RFX2: variants seen among roughly 807,000 people sequenced by gnomAD.
The protein encoded by RFX2 is DNA-binding protein RFX2.
In RFX2, 20 loss-of-function variants were observed where a neutral mutation model predicts 87.8. The ratio of observed to expected loss-of-function variants is 0.23; its 90% CI spans 0.16 to 0.33. The LOEUF is 0.33. Ranked by LOEUF, RFX2 falls within the 10% of genes least tolerant of loss-of-function variation. The pLI, the probability that RFX2 is intolerant of heterozygous loss-of-function variation, is 1.00. For synonymous variants in RFX2, 397 were observed against 431.3 expected (o/e 0.92, Z 0.98); for missense variants, 767 against 1,012.3 (o/e 0.76, Z 3.29).
At chr19:6,048,165 G>A (rs2087222628) in intron 1 of RFX2, among the ~76,000 whole-genome samples, 1 of 152,236 alleles carries the variant, frequency 6.6e-6, no homozygotes. Context: ...AAGGTGACCT[G>A]CAGAGGGAGC....
rs2087350769 is a variant in RFX2, at chr19:6,056,874, G to C, written c.-8-9370C>G. On this transcript the variant is annotated intron_variant, in intron 1 of 17. Transcript: ENST00000303657. This position sits in a 1 kb window ranked among gnomAD's most constrained non-coding sequence, Gnocchi z 4.6. ...GGAGCCTCGGAACAGCCAATATAAA[G>C]GGGAGGGGCCGCAACACGACCTGTC... Among the ~76,000 whole-genome samples the C allele has an allele frequency of 6.6e-6, 1 of 152,170 alleles. No homozygotes were observed. The highest frequency in any genetic ancestry group is 6.5e-5 in the Admixed American group (1 of 15,276).
Position 6,047,419 on chromosome 19 carries a change from T to G in RFX2, c.78A>C (p.Pro26=). The change falls in exon 2 of 18, where the codon CCA becomes CCC. Residue 26 remains proline (P), a synonymous_variant. Coordinates refer to ENST00000303657, the MANE Select transcript of RFX2 (RefSeq NM_000635.4). This position sits in a 1 kb window ranked among gnomAD's most constrained non-coding sequence, Gnocchi z 4.2. ...LRPSAAAPPV[P]ASPQRVLVQA... ...AGGCGCGCGTTACCTGCGGGGAGGC[T>G]GGCACAGGCGGGGCTGCCGCCGAGG... The G allele has an allele frequency of 6.2e-7, 1 of 1,608,190 alleles. No individual in the cohort carries two copies. The highest frequency in any genetic ancestry group is 1.3e-5 in the African/African-American group (1 of 74,972).
intron 5 of RFX2, among the ~76,000 whole-genome samples, chr19:6,036,982 T>C (rs562662654): frequency 1.3e-5 from 2 of 152,246 alleles, no homozygotes; most frequent in East Asian, 1.9e-4. Flanking sequence ...AAGAAGCTCC[T>C]AGAACCAAAA....
In RFX2 at chr19:6,001,943, C is replaced by G; in HGVS notation, c.1731G>C (p.Gln577His). 1 of 1,612,864 alleles carries G rather than the reference C, an allele frequency of 6.2e-7. No individual in the cohort carries two copies. Among genetic ancestry groups the G allele is most frequent in the Admixed American group, 1.7e-5 (1 of 60,024 alleles). ...LEQDFKLTLQ[Q>H]QSSLDQWASW... ...TGGCCCACTGGTCCAGGGAGCTCTG[C>G]TGCTGCAGGGTCAGCTTGAAATCCT... The change falls in exon 15 of 18, where the codon CAG becomes CAC. Residue 577 changes from glutamine (Q) to histidine (H), a missense_variant. By Grantham distance (24) the Gln-to-His change is conservative. Coordinates refer to ENST00000303657, the MANE Select transcript of RFX2 (RefSeq NM_000635.4). The surrounding 1 kb of genome is among the most constrained non-coding windows in gnomAD (Gnocchi z 5.6).
rs1247496217 is a variant in RFX2, at chr19:6,017,875, AC to A, written c.598-1605del. On this transcript the variant is annotated intron_variant, in intron 6 of 17. Transcript: ENST00000303657. The surrounding 1 kb of genome is among the most constrained non-coding windows in gnomAD (Gnocchi z 4.1). ...CCACTCACCACAGCGTACCCATGGCACCCCCCCGCCCCACTGTCACGTTTGC... is the reference window on the plus strand; with the variant it reads ...CCACTCACCACAGCGTACCCATGGCACCCCCCGCCCCACTGTCACGTTTGC... Among the ~76,000 whole-genome samples the A allele has an allele frequency of 7.5e-6, 1 of 133,158 alleles. No homozygotes were observed. Among genetic ancestry groups the A allele is most frequent in the African/African-American group, 2.8e-5 (1 of 35,924 alleles). 87.4% of individuals were successfully genotyped at this position (133,158 alleles called of 152,430 possible).
chr19:5,996,951 C>T, intron 16 of RFX2, 109 bp downstream of exon 16: 1 of 1,186,844 alleles, frequency 8.4e-7, no homozygotes, highest in Non-Finnish European at 1.2e-6. Flanking sequence ...GTCCGGGCGG[C>T]AGAGCAGTGG....
At position 5,998,654 on chromosome 19, in the gene RFX2, C is replaced by T. The variant is rs1375725902; in HGVS notation, c.1860-1441G>A. On this transcript the variant is annotated intron_variant, in intron 15 of 17. Transcript: ENST00000303657. The surrounding 1 kb of genome is among the most constrained non-coding windows in gnomAD (Gnocchi z 4.2). ...GCCCCCTTTCCCCAAAGGCCTCCCCCACGCAGATGAGGTGCTGGCACTCTG... is the reference window on the plus strand; with the variant it reads ...GCCCCCTTTCCCCAAAGGCCTCCCCTACGCAGATGAGGTGCTGGCACTCTG... Among the ~76,000 whole-genome samples the T allele has an allele frequency of 1.3e-5, 2 of 152,188 alleles. No homozygotes were observed. The highest frequency in any genetic ancestry group is 2.9e-5 in the Non-Finnish European group (2 of 68,036).
Position 6,011,750 on chromosome 19 carries a change from G to A in RFX2, c.899+1236C>T, listed in dbSNP as rs759020456. ...GTGTGGTCAGGAGTCAATGGGTTAC[G>A]CAGAGCAGCTGGAATGGGTTTTTGA... On this transcript the variant is annotated intron_variant, in intron 8 of 17. Transcript: ENST00000303657. The surrounding 1 kb of genome is among the most constrained non-coding windows in gnomAD (Gnocchi z 4.8). Among the ~76,000 whole-genome samples the A allele has an allele frequency of 1.3e-5, 2 of 152,204 alleles. No individual in the cohort carries two copies. Among genetic ancestry groups the A allele is most frequent in the Non-Finnish European group, 2.9e-5 (2 of 68,036 alleles).
intron 1 of RFX2, among the ~76,000 whole-genome samples, chr19:6,080,517 G>A (rs901220542): frequency 6.6e-6 from 1 of 152,136 alleles, no homozygotes; most frequent in Non-Finnish European, 1.5e-5. Flanking sequence ...GTGGTGCAAG[G>A]TGATTGCAGA....
Position 6,010,115 on chromosome 19 carries a change from G to A in RFX2, c.1015+21C>T, listed in dbSNP as rs1455996271. The A allele has an allele frequency of 8.8e-6, 13 of 1,480,920 alleles. No individual in the cohort carries two copies. Among genetic ancestry groups the A allele is most frequent in the Admixed American group, 4.0e-5 (2 of 50,398 alleles). 91.7% of individuals were successfully genotyped at this position (1,480,920 alleles called of 1,614,324 possible). Reference sequence around the variant, plus strand: ...GCGAGCAGATGGGAGCCCCGCCCCCGGGCCTGACCGGGCCTCTCACCTATG... The same window carrying A: ...GCGAGCAGATGGGAGCCCCGCCCCCAGGCCTGACCGGGCCTCTCACCTATG... On this transcript the variant is annotated intron_variant, in intron 9 of 17. Transcript: ENST00000303657. The surrounding 1 kb of genome is among the most constrained non-coding windows in gnomAD (Gnocchi z 5.0).
chr19:6,073,825 G>A (rs994632494), intron 1 of RFX2, among the ~76,000 whole-genome samples: 11 of 152,156 alleles, frequency 7.2e-5, no homozygotes, highest in African/African-American at 1.9e-4. Context: ...TGGGCTAAGC[G>A]CTCCTCTTCC....
intron 17 of RFX2, 122 bp from the exon 18 acceptor site, chr19:5,995,072 C>G: frequency 1.4e-6 from 1 of 735,726 alleles, no homozygotes; most frequent in Non-Finnish European, 2.3e-6. Context: ...ACATGGCAGC[C>G]TGTGGACCCC....
chr19:6,063,427 G>A lies in RFX2; in HGVS notation c.-8-15923C>T, dbSNP rs1393956301. The stretch of plus-strand genomic sequence containing the variant: ...GGAGGGCCACCGGAGGCTGGCACTG[G>A]TGTCTCCTGCACACAACGCAGGGAG... On this transcript the variant is annotated intron_variant, in intron 1 of 17. Transcript: ENST00000303657. The surrounding 1 kb of genome is among the most constrained non-coding windows in gnomAD (Gnocchi z 4.0). Among the ~76,000 whole-genome samples, 2 of 152,204 alleles carry A rather than the reference G, an allele frequency of 1.3e-5. No homozygotes were observed. Among genetic ancestry groups the A allele is most frequent in the African/African-American group, 4.8e-5 (2 of 41,438 alleles).
intron 3 of RFX2, among the ~76,000 whole-genome samples, chr19:6,042,986 G>A (rs1260236982): frequency 2.1e-4 from 32 of 152,224 alleles, no homozygotes; most frequent in Admixed American, 2.1e-3. Context: ...TCTTGTGCTT[G>A]AAGCTGCAGG....
chr19:6,038,791 G>C (rs2087060144), intron 5 of RFX2, among the ~76,000 whole-genome samples: 1 of 152,304 alleles, frequency 6.6e-6, no homozygotes, highest in South Asian at 2.1e-4. Context: ...ACATCTATTA[G>C]AATGGCCAAA....
chr19:6,036,503 C>A (rs1031753192), intron 5 of RFX2, among the ~76,000 whole-genome samples: 6 of 152,298 alleles, frequency 3.9e-5, no homozygotes, highest in Middle Eastern at 6.8e-3. Context: ...AACAAACAAA[C>A]AAAAACACAG....
chr19:6,084,643 C>CTTTCTTTTTTT lies in RFX2; in HGVS notation c.-9+25749_-9+25750insAAAAAAAGAAA, dbSNP rs372303921. 8.7e-3 allele frequency among the ~76,000 whole-genome samples: 1,264 copies of CTTTCTTTTTTT among 145,390 alleles called. 7 individuals are homozygous for CTTTCTTTTTTT. The highest frequency in any genetic ancestry group is 0.077 in the Middle Eastern group (22 of 286). On this transcript the variant is annotated intron_variant, in intron 1 of 17. Transcript: ENST00000303657. ...TGTCCTTTTTTTTCTTTCTTTCTTT[C>CTTTCTTTTTTT]TTTTTTTTGAGACAGAATCTCGCTC...
rs1360409573 is a variant in RFX2 at position 6,007,173 on chromosome 19, A to T, written c.1248-7T>A. 1.2e-6 allele frequency: 2 copies of T among 1,612,424 alleles called. No individual in the cohort carries two copies. Among genetic ancestry groups the T allele is most frequent in the Admixed American group, 3.3e-5 (2 of 59,964 alleles). On this transcript the variant is annotated splice_polypyrimidine_tract_variant and splice_region_variant and intron_variant, in intron 11 of 17. Transcript: ENST00000303657. This position sits in a 1 kb window ranked among gnomAD's most constrained non-coding sequence, Gnocchi z 8.2. ...GCCCTCGGGGTCTTCGTCACTGTGG[A>T]GGGAGGGGGGACAGGTGAGCTGTGG...
intron 1 of RFX2, among the ~76,000 whole-genome samples, chr19:6,076,519 T>G (rs1171511268): frequency 6.6e-6 from 1 of 152,160 alleles, no homozygotes; most frequent in Non-Finnish European, 1.5e-5. Flanking sequence ...GCCAGGGACT[T>G]AAATCTTTCT....
Sources: allele counts gnomAD v4.1 joint callset (sites outside exome capture counted in the v4.1 genomes callset), GRCh38; gene constraint gnomAD v4.1.1; non-coding constraint Gnocchi (gnomAD v3.1); transcripts MANE v1.5; gene names NCBI Gene and HGNC (gene_info 2026-07-23, HGNC 2026-07-21).